The following POLR2F variants were observed in gnomAD, a reference collection of about 807,000 sequenced individuals.
POLR2F encodes RNA polymerase II, I and III subunit F, also known as DNA-directed RNA polymerases I, II, and III subunit RPABC2.
POLR2F carries 12 observed loss-of-function variants against 22.7 expected under a neutral mutation model. The observed-to-expected ratio is 0.53, with a 90% CI of 0.34 to 0.86. POLR2F has a LOEUF of 0.86. POLR2F is among the 40% of genes least tolerant of loss of function. POLR2F has a pLI of 0.02. For synonymous variants in POLR2F, 57 were observed against 66.0 expected (o/e 0.86, Z 0.66); for missense variants, 126 against 171.5 (o/e 0.73, Z 1.48).
chr22:38,037,248 CTTATGTTATG>C (rs147610006), intron 5 of POLR2F, among the ~76,000 whole-genome samples: 11 of 149,392 alleles, frequency 7.4e-5, no homozygotes, highest in South Asian at 2.1e-4. Context: ...AATGAGCAAC[CTTATGTTATG>C]TTATGTTATG....
chr22:37,972,593 C>T (rs918624435), downstream of POLR2F: 3 of 218,292 alleles, frequency 1.4e-5, no homozygotes, highest in Non-Finnish European at 2.8e-5. Context: ...GGCCCTGTGT[C>T]TCCTGGAGCC....
chr22:38,029,405 G>C (rs1263562379), downstream of POLR2F, among the ~76,000 whole-genome samples: 2 of 152,176 alleles, frequency 1.3e-5, no homozygotes, highest in African/African-American at 2.4e-5. Flanking sequence ...CCTTAAATAA[G>C]GCTCTGTCTC....
chr22:37,976,461 C>A (rs1932224046), intron 4 of POLR2F, among the ~76,000 whole-genome samples: 1 of 152,200 alleles, frequency 6.6e-6, no homozygotes, highest in South Asian at 2.1e-4. Flanking sequence ...TGGTTAGTAC[C>A]CCTGGTGTCC....
intron 1 of POLR2F, among the ~76,000 whole-genome samples, chr22:38,007,230 C>T (rs1452045636): frequency 6.6e-6 from 1 of 152,184 alleles, no homozygotes; most frequent in Non-Finnish European, 1.5e-5. Flanking sequence ...CCCCCAGCCC[C>T]TTCTTCACTA....
upstream of POLR2F, chr22:37,984,989 AGTGCCTAGTGT>A (rs950479130): frequency 6.6e-6 from 1 of 152,308 alleles, no homozygotes; most frequent in Non-Finnish European, 1.5e-5. The surrounding 1 kb of genome is among the most constrained non-coding windows in gnomAD (Gnocchi z 4.4). Flanking sequence ...AATCCTGTTG[AGTGCCTAGTGT>A]GTGCCAGGCA....
At chr22:38,025,453 C>T in intron 1 of POLR2F, 4 of 1,323,680 alleles carry the variant, frequency 3.0e-6, no homozygotes, top group Middle Eastern at 1.9e-4. Flanking sequence ...GATTCATATA[C>T]ACACACGTAC....
At chr22:38,040,940 AG>A in intron 5 of POLR2F, 1 of 1,482,440 alleles carries the variant, frequency 6.7e-7, no homozygotes, top group Non-Finnish European at 9.3e-7. Flanking sequence ...AGTCAGCCAG[AG>A]GAGAGAGAAT....
intron 3 of POLR2F, among the ~76,000 whole-genome samples, chr22:37,964,928 G>A (rs948980529): frequency 6.6e-6 from 1 of 151,966 alleles, no homozygotes; most frequent in Non-Finnish European, 1.5e-5. Context: ...CCAGTCTTTA[G>A]TGCTCTTTCC....
intron 4 of POLR2F, among the ~76,000 whole-genome samples, chr22:37,979,642 C>G (rs1932334316): frequency 6.6e-6 from 1 of 152,000 alleles, no homozygotes; most frequent in African/African-American, 2.4e-5. Context: ...TGGAACAGTC[C>G]CTGAAACCAA....
intron 1 of POLR2F, chr22:37,987,059 C>T (rs752886658): frequency 1.1e-4 from 48 of 456,708 alleles, no homozygotes; most frequent in South Asian, 6.7e-4. Flanking sequence ...CTCCTTACCC[C>T]ACCCCCCATC....
rs1412992753 is a variant in POLR2F, at chr22:38,008,068, C to T, written c.121-17801C>T. Among the ~76,000 whole-genome samples the T allele has an allele frequency of 4.6e-5, 7 of 151,938 alleles. No homozygotes were observed. In the South Asian group the frequency reaches 8.3e-4, roughly 18 times the overall value. On this transcript the variant is annotated intron_variant, in intron 1 of 2. Transcript: ENST00000333418. ...CAGCCTGGCCAACATGGTGAAATCC[C>T]GTCTCTACTAAAAATACAAAAGTTA...
At chr22:37,995,836 TAA>T (rs66823363) in intron 1 of POLR2F, among the ~76,000 whole-genome samples, 1 of 142,552 alleles carries the variant, frequency 7.0e-6, no homozygotes, top group Non-Finnish European at 1.5e-5. Flanking sequence ...TACTAAAAAT[TAA>T]AAAAAAAAAA....
At position 37,978,215 on chromosome 22, in the gene POLR2F, A is replaced by G; in HGVS notation, c.293+11045A>G. On this transcript the variant is annotated intron_variant, in intron 4 of 4. Coordinates refer to the POLR2F transcript ENST00000405557. The surrounding 1 kb of genome is among the most constrained non-coding windows in gnomAD (Gnocchi z 5.0). ...AGCACTCCAGGTTGGCCTCCCTCTG[A>G]GTGTCCATCTTGGAAGATGTGAGGC... 2.8e-6 allele frequency: 4 copies of G among 1,403,626 alleles called. No homozygotes were observed. The highest frequency in any genetic ancestry group is 2.8e-6 in the Non-Finnish European group (3 of 1,065,468). 86.9% of individuals were successfully genotyped at this position (1,403,626 alleles called of 1,614,324 possible).
At chr22:38,035,655 C>T in intron 5 of POLR2F, among the ~76,000 whole-genome samples, 1 of 152,226 alleles carries the variant, frequency 6.6e-6, no homozygotes, top group East Asian at 1.9e-4. Flanking sequence ...CCAGGTGCTG[C>T]CTGACACCCG....
At chr22:38,010,477 C>T (rs900594315) in intron 1 of POLR2F, among the ~76,000 whole-genome samples, 3 of 152,040 alleles carry the variant, frequency 2.0e-5, no homozygotes, top group African/African-American at 7.2e-5. Flanking sequence ...TTCACATTTC[C>T]AGCAGCGAGG....
chr22:37,986,019 C>A (rs1266434758), upstream of POLR2F: 1 of 1,339,948 alleles, frequency 7.5e-7, no homozygotes, highest in Non-Finnish European at 9.7e-7. The surrounding 1 kb of genome is among the most constrained non-coding windows in gnomAD (Gnocchi z 4.7). Flanking sequence ...CAACCCTCCT[C>A]CCCCCGCCTC....
At chr22:37,984,597 G>A (rs1430337062), upstream of POLR2F, 1 of 149,756 alleles carries the variant, frequency 6.7e-6, no homozygotes, top group Non-Finnish European at 1.5e-5. The surrounding 1 kb of genome is among the most constrained non-coding windows in gnomAD (Gnocchi z 4.4). Flanking sequence ...GAAGGAGGGG[G>A]AGAGGGGGGA....
chr22:38,036,988 C>T (rs2085122335), intron 5 of POLR2F, among the ~76,000 whole-genome samples: 1 of 152,228 alleles, frequency 6.6e-6, no homozygotes, highest in African/African-American at 2.4e-5. Flanking sequence ...CCATGTCTAA[C>T]ATAACACCCC....
At chr22:37,987,357 C>T (rs534075864) in intron 1 of POLR2F, 9 of 451,886 alleles carry the variant, frequency 2.0e-5, no homozygotes, top group African/African-American at 1.6e-4. Flanking sequence ...GTCAGTCAAA[C>T]GTGAAGCCCA....
Sources: allele counts gnomAD v4.1 joint callset (sites outside exome capture counted in the v4.1 genomes callset), GRCh38; gene constraint gnomAD v4.1.1; non-coding constraint Gnocchi (gnomAD v3.1); transcripts MANE v1.5; gene names NCBI Gene and HGNC (gene_info 2026-07-23, HGNC 2026-07-21).